NEDD1: variants seen among roughly 807,000 people sequenced by gnomAD.
The protein encoded by NEDD1 is NEDD1 gamma-tubulin ring complex targeting factor.
In NEDD1, 33 loss-of-function variants were observed where a neutral mutation model predicts 74.0. That is an observed-to-expected ratio of 0.45 (90% CI 0.34 to 0.60). NEDD1 has a LOEUF of 0.60. Among genes scored for constraint, NEDD1 ranks in the 20% least tolerant of loss-of-function variants. The pLI, the probability that NEDD1 is intolerant of heterozygous loss-of-function variation, is 0.01. For missense variants in NEDD1, 746 were observed against 776.5 expected (o/e 0.96, Z 0.47); for synonymous variants, 250 against 264.4 (o/e 0.95, Z 0.53).
At chr12:96,932,463 A>AAAAAAAAAAAATATATATATATATATAT in intron 6 of NEDD1, among the ~76,000 whole-genome samples, 4 of 9,430 alleles carry the variant, frequency 4.2e-4, no homozygotes, top group Non-Finnish European at 7.9e-4. Context: ...AAAAAAAAAA[A>AAAAAAAAAAAATATATATATATATATAT]ATATATATAT....
At chr12:96,920,950 G>T (rs1444048807) in intron 6 of NEDD1, among the ~76,000 whole-genome samples, 1 of 152,066 alleles carries the variant, frequency 6.6e-6, no homozygotes, top group African/African-American at 2.4e-5. Flanking sequence ...ATATATTGGG[G>T]AATAATACAG....
At chr12:96,910,488 T>C (rs1332762648) in intron 3 of NEDD1, among the ~76,000 whole-genome samples, 1 of 152,220 alleles carries the variant, frequency 6.6e-6, no homozygotes, top group Non-Finnish European at 1.5e-5. Context: ...TGTTTCTGAT[T>C]GACACCTTCC....
intron 6 of NEDD1, among the ~76,000 whole-genome samples, chr12:96,932,489 A>ATAG (rs1201702643): frequency 1.7e-5 from 1 of 58,510 alleles, no homozygotes; most frequent in Non-Finnish European, 3.8e-5. Context: ...TATATATATA[A>ATAG]AATGCACACA....
Position 96,922,384 on chromosome 12 carries a change from A to C in NEDD1, c.489+2259A>C, listed in dbSNP as rs150536570. Reference sequence around the variant, plus strand: ...TCATTAATGTTCAAATATCTTTTTTAAGGACATAGAGTAACTTTCTTTTTT... The same window carrying C: ...TCATTAATGTTCAAATATCTTTTTTCAGGACATAGAGTAACTTTCTTTTTT... On this transcript the variant is annotated intron_variant, in intron 6 of 15. Transcript: ENST00000266742. Among the ~76,000 whole-genome samples, 160 of 152,294 alleles carry C rather than the reference A, an allele frequency of 1.1e-3. 1 individual carries two copies. Among genetic ancestry groups the C allele is most frequent in the African/African-American group, 3.7e-3 (153 of 41,566 alleles).
rs759132000 is a variant in NEDD1 at position 96,937,342 on chromosome 12, C to A, written c.1066C>A (p.Pro356Thr). The A allele has an allele frequency of 6.2e-7, 1 of 1,611,380 alleles. No individual in the cohort carries two copies. Among genetic ancestry groups the A allele is most frequent in the Non-Finnish European group, 8.5e-7 (1 of 1,178,528 alleles). Residue 356 changes from proline to threonine, a missense_variant, in exon 9 of 16, where the codon CCT becomes ACT. Coordinates refer to ENST00000266742, the MANE Select transcript of NEDD1 (RefSeq NM_152905.4). ...GTCCATTGCCACAGTTCTACCACAACCTATGACATCAGCTATGGGGAAAGG... is the reference window on the plus strand; with the variant it reads ...GTCCATTGCCACAGTTCTACCACAAACTATGACATCAGCTATGGGGAAAGG... ...ATSIATVLPQPMTSAMGKGTV... is the reference protein window; with the variant it reads ...ATSIATVLPQTMTSAMGKGTV...
chr12:96,940,512 T>TGACA lies in NEDD1; in HGVS notation c.1222_1225dup (p.Met409ArgfsTer9). 6.2e-7 allele frequency: 1 copy of TGACA among 1,606,366 alleles called. No homozygotes were observed. Among genetic ancestry groups the TGACA allele is most frequent in the Non-Finnish European group, 8.5e-7 (1 of 1,174,032 alleles). ...ATGATACTGGGAAAAGTAGTTTAGGTGACATGTTCTCACCTATCAGAGATG... is the reference window on the plus strand; with the variant it reads ...ATGATACTGGGAAAAGTAGTTTAGGTGACAGACATGTTCTCACCTATCAGAGATG... On this transcript the variant is annotated frameshift_variant, in exon 10 of 16. Transcript: ENST00000266742. LOFTEE classifies it high-confidence loss of function.
chr12:96,921,068 G>A (rs923385779), intron 6 of NEDD1, among the ~76,000 whole-genome samples: 2 of 152,126 alleles, frequency 1.3e-5, no homozygotes, highest in African/African-American at 4.8e-5. Flanking sequence ...GAAAGGGTTG[G>A]GGAGTTTCAG....
At chr12:96,929,946 C>T (rs80272596) in intron 6 of NEDD1, among the ~76,000 whole-genome samples, 3,786 of 152,180 alleles carry the variant, frequency 0.025, 169 homozygotes, top group African/African-American at 0.086. Flanking sequence ...TTATGGGCTG[C>T]TTCTGTTCTC....
At chr12:96,917,165 A>C (rs549464686) in intron 4 of NEDD1, among the ~76,000 whole-genome samples, 78 of 152,282 alleles carry the variant, frequency 5.1e-4, no homozygotes, top group African/African-American at 1.8e-3. Context: ...TTTAAAAAAA[A>C]ACTTATCCCA....
intron 6 of NEDD1, among the ~76,000 whole-genome samples, chr12:96,933,855 C>T (rs577821915): frequency 1.2e-4 from 19 of 152,224 alleles, no homozygotes; most frequent in African/African-American, 3.9e-4. Context: ...TTGACAGTAA[C>T]ATTTTAGTAA....
intron 6 of NEDD1, among the ~76,000 whole-genome samples, chr12:96,929,022 CTT>C (rs993861100): frequency 2.6e-5 from 4 of 151,590 alleles, no homozygotes; most frequent in African/African-American, 9.7e-5. Flanking sequence ...AGTTTCAAGT[CTT>C]TTTTTATTTT....
intron 6 of NEDD1, among the ~76,000 whole-genome samples, chr12:96,931,685 A>G (rs1220040262): frequency 5.9e-5 from 9 of 152,198 alleles, no homozygotes. Context: ...AAATTAGTAT[A>G]CTCATGCATT....
Position 96,943,781 on chromosome 12 carries a change from T to TA in NEDD1, c.1497+20dup. ...CAAACAGGTATTTGCCTGAAAATGATACTGAACTCACTGTATGTGTTTATC... is the reference window on the plus strand; with the variant it reads ...CAAACAGGTATTTGCCTGAAAATGATAACTGAACTCACTGTATGTGTTTATC... On this transcript the variant is annotated intron_variant, in intron 12 of 15. Transcript: ENST00000266742. The TA allele has an allele frequency of 6.6e-7, 1 of 1,508,102 alleles. No homozygotes were observed. Among genetic ancestry groups the TA allele is most frequent in the Non-Finnish European group, 9.2e-7 (1 of 1,087,176 alleles). The allele number at this position is 1,508,102 out of a possible 1,614,324, so 93.4% of individuals were successfully genotyped here.
intron 6 of NEDD1, among the ~76,000 whole-genome samples, chr12:96,924,514 TG>T (rs1875478024): frequency 6.6e-6 from 1 of 152,256 alleles, no homozygotes. Flanking sequence ...GTAGAGGGCT[TG>T]CATATCTTTT....
At position 96,920,011 on chromosome 12, in the gene NEDD1, A is replaced by C; in HGVS notation, c.375A>C (p.Val125=). ...LKDHKDQVTC[V]TYNWNDCYIA... ...ATCATAAAGATCAAGTAACTTGTGT[A>C]ACATACAATTGGAATGATTGCTACA... The change falls in exon 6 of 16, where the codon GTA becomes GTC. Residue 125 remains valine, a synonymous_variant. Coordinates refer to ENST00000266742, the MANE Select transcript of NEDD1 (RefSeq NM_152905.4). The C allele has an allele frequency of 6.2e-7, 1 of 1,607,364 alleles. No homozygotes were observed. The highest frequency in any genetic ancestry group is 8.5e-7 in the Non-Finnish European group (1 of 1,174,560).
chr12:96,910,090 C>T (rs537383864), intron 3 of NEDD1, among the ~76,000 whole-genome samples, 195 bp downstream of exon 3: 2 of 152,144 alleles, frequency 1.3e-5, no homozygotes, highest in South Asian at 4.1e-4. Context: ...TTATCTGTTG[C>T]GTTCATTTAA....
intron 6 of NEDD1, among the ~76,000 whole-genome samples, chr12:96,930,300 G>A (rs560118468): frequency 7.9e-5 from 12 of 151,458 alleles, no homozygotes; most frequent in African/African-American, 2.4e-4. Flanking sequence ...CATTCTCTAG[G>A]AGAACTCACA....
At chr12:96,942,107 T>C (rs1245035092) in intron 10 of NEDD1, among the ~76,000 whole-genome samples, 16 of 152,162 alleles carry the variant, frequency 1.1e-4, no homozygotes, top group Non-Finnish European at 1.5e-5. Flanking sequence ...TAAACACTAA[T>C]AAAACTTTGT....
At chr12:96,909,702 A>T (rs1428148542) in intron 2 of NEDD1, 50 bp from the exon 3 acceptor site, 10 of 1,457,280 alleles carry the variant, frequency 6.9e-6, no homozygotes, top group African/African-American at 4.3e-5. Context: ...TTTTTTGAGT[A>T]TGTCTATTCT....
Sources: gnomAD v4.1 joint callset for allele counts (sites outside exome capture counted in the v4.1 genomes callset) on GRCh38, gnomAD v4.1.1 for gene constraint, MANE v1.5 for transcripts, NCBI Gene and HGNC (gene_info 2026-07-23, HGNC 2026-07-21) for gene names.